The following SGCG variants were observed in gnomAD, a reference collection of about 807,000 sequenced individuals.
The protein encoded by SGCG is gamma-sarcoglycan.
In SGCG, 26 loss-of-function variants were observed where a neutral mutation model predicts 29.3. The observed-to-expected ratio is 0.89, with a 90% CI of 0.65 to 1.23. The LOEUF is 1.23. Among genes scored for constraint, SGCG ranks in the 50% most tolerant of loss-of-function variants. SGCG has a pLI of 0.00. For synonymous variants in SGCG, 145 were observed against 129.7 expected (o/e 1.12, Z -0.80); for missense variants, 353 against 356.0 (o/e 0.99, Z 0.07).
chr13:23,303,190 C>T (rs201353019), intron 6 of SGCG, among the ~76,000 whole-genome samples: 1 of 152,036 alleles, frequency 6.6e-6, no homozygotes, highest in South Asian at 2.1e-4. Context: ...ATGAGCATGT[C>T]TTTCTTTATA....
At chr13:23,162,027 T>G in the SGCG span, among the ~76,000 whole-genome samples, 2 of 152,272 alleles carry the variant, frequency 1.3e-5, no homozygotes, top group Admixed American at 1.3e-4. Flanking sequence ...CAGAGCTACA[T>G]AGCCTAGCTA....
At chr13:23,310,770 G>C (rs1882567095) in intron 6 of SGCG, among the ~76,000 whole-genome samples, 1 of 151,346 alleles carries the variant, frequency 6.6e-6, no homozygotes, top group Non-Finnish European at 1.5e-5. Flanking sequence ...TTCTTTCAAT[G>C]ATTGTCTTTT....
intron 2 of SGCG, 81 bp downstream of exon 2, chr13:23,203,970 T>C: frequency 9.7e-7 from 1 of 1,032,462 alleles, no homozygotes; most frequent in Non-Finnish European, 1.5e-6. Context: ...GATAGGAGTT[T>C]CCTTTTGTAA....
the SGCG span, among the ~76,000 whole-genome samples, chr13:23,171,582 C>T: frequency 6.6e-6 from 1 of 152,100 alleles, no homozygotes; most frequent in African/African-American, 2.4e-5. Context: ...GGCAGCAGTC[C>T]CCAGCCTTTT....
At chr13:23,294,737 G>A (rs1490828867) in intron 5 of SGCG, among the ~76,000 whole-genome samples, 1 of 152,120 alleles carries the variant, frequency 6.6e-6, no homozygotes, top group African/African-American at 2.4e-5. Flanking sequence ...GGAACTCTAG[G>A]CACGTTAATT....
chr13:23,210,730 C>T (rs1197952979), intron 2 of SGCG, among the ~76,000 whole-genome samples: 1 of 152,132 alleles, frequency 6.6e-6, no homozygotes, highest in East Asian at 1.9e-4. Context: ...TCCATTCATG[C>T]CTGCTAACTC....
intron 1 of SGCG, among the ~76,000 whole-genome samples, chr13:23,192,031 C>T (rs1477788619): frequency 6.6e-6 from 1 of 151,716 alleles, no homozygotes; most frequent in Non-Finnish European, 1.5e-5. Context: ...AAAAATAAGC[C>T]GGGCGTGGTG....
At chr13:23,194,520 C>T (rs757910969) in intron 1 of SGCG, among the ~76,000 whole-genome samples, 25 of 152,342 alleles carry the variant, frequency 1.6e-4, no homozygotes, top group Non-Finnish European at 2.8e-4. Flanking sequence ...CTGATTTCTT[C>T]TCTGGCAAGC....
intron 1 of SGCG, among the ~76,000 whole-genome samples, chr13:23,202,432 T>C (rs182083248): frequency 3.3e-5 from 5 of 152,228 alleles, no homozygotes; most frequent in East Asian, 3.9e-4. Flanking sequence ...TTCAGATATA[T>C]ATGGAAGGTA....
intron 3 of SGCG, among the ~76,000 whole-genome samples, chr13:23,248,421 G>A (rs550995330): frequency 1.3e-5 from 2 of 152,294 alleles, no homozygotes; most frequent in South Asian, 2.1e-4. Flanking sequence ...GCACAATCTG[G>A]CCAGGCGCGG....
intron 2 of SGCG, among the ~76,000 whole-genome samples, chr13:23,230,827 T>G (rs906993816): frequency 6.6e-6 from 1 of 152,200 alleles, no homozygotes; most frequent in African/African-American, 2.4e-5. Flanking sequence ...CTGTGTTGAA[T>G]AGGAGTGGTA....
At chr13:23,197,634 T>A (rs1007160374) in intron 1 of SGCG, among the ~76,000 whole-genome samples, 9 of 152,190 alleles carry the variant, frequency 5.9e-5, no homozygotes, top group Admixed American at 5.9e-4. Context: ...AGAATTAGTA[T>A]ATTGGAAGGT....
chr13:23,204,415 AT>A (rs1346068527), intron 2 of SGCG, among the ~76,000 whole-genome samples: 1 of 152,234 alleles, frequency 6.6e-6, no homozygotes, highest in East Asian at 1.9e-4. Flanking sequence ...CAGCTACATA[AT>A]TTTGTATTCT....
At chr13:23,220,366 C>A (rs12583693) in intron 2 of SGCG, among the ~76,000 whole-genome samples, 5,472 of 152,198 alleles carry the variant, frequency 0.036, 211 homozygotes, top group East Asian at 0.2. Context: ...AGGAGAATTG[C>A]CTGAGCCAGG....
chr13:23,216,974 G>C (rs1878451256), intron 2 of SGCG, among the ~76,000 whole-genome samples: 1 of 152,098 alleles, frequency 6.6e-6, no homozygotes, highest in African/African-American at 2.4e-5. Context: ...TTCCTGGGTA[G>C]TCATAAATGA....
the SGCG span, among the ~76,000 whole-genome samples, chr13:23,175,539 T>C: frequency 3.3e-5 from 5 of 152,336 alleles, no homozygotes; most frequent in Admixed American, 1.3e-4. Context: ...CATGAGTTCA[T>C]GGAAGCCAGT....
rs71100165 is a variant in SGCG at position 23,276,431 on chromosome 13, C to CTTTTTTTTTTTTTTTTTT, written c.386-2926_386-2909dup. 9.8e-5 allele frequency among the ~76,000 whole-genome samples: 10 copies of CTTTTTTTTTTTTTTTTTT among 102,336 alleles called. 1 individual carries two copies. The highest frequency in any genetic ancestry group is 2.9e-4 in the East Asian group (1 of 3,498). 67.1% of individuals were successfully genotyped at this position (102,336 alleles called of 152,430 possible). A position where few individuals can be genotyped will look rare whatever the true frequency, so the allele number is the denominator to read the frequency against. ...CATGAACGCTTTCTTTTTTAGTTTT[C>CTTTTTTTTTTTTTTTTTT]TTTTTTTTTTTTTTTTTTTGAGACA... On this transcript the variant is annotated intron_variant, in intron 4 of 7. Transcript: ENST00000218867.
At chr13:23,271,088 C>T (rs1831010) in intron 4 of SGCG, among the ~76,000 whole-genome samples, 95,729 of 151,728 alleles carry the variant, frequency 0.63, 32,171 homozygotes, top group Middle Eastern at 0.84. Flanking sequence ...GGCACGCGCC[C>T]GTAATCCCAG....
intron 2 of SGCG, among the ~76,000 whole-genome samples, chr13:23,206,285 G>T (rs1026748422): frequency 1.3e-5 from 2 of 152,164 alleles, no homozygotes; most frequent in Non-Finnish European, 2.9e-5. Flanking sequence ...CATCCTGCTT[G>T]ATTGAAATGT....
Sources: gnomAD v4.1 joint callset for allele counts (sites outside exome capture counted in the v4.1 genomes callset) on GRCh38, gnomAD v4.1.1 for gene constraint, MANE v1.5 for transcripts, NCBI Gene and HGNC (gene_info 2026-07-23, HGNC 2026-07-21) for gene names.